The following RIC8B variants were observed in gnomAD, a reference collection of about 807,000 sequenced individuals.
RIC8B encodes the protein chaperone Ric-8B.
RIC8B carries 16 observed loss-of-function variants against 57.5 expected under a neutral mutation model. The ratio of observed to expected loss-of-function variants is 0.28; its 90% CI spans 0.19 to 0.42. The LOEUF (loss-of-function observed/expected upper bound fraction) is 0.42, where lower values mean the gene tolerates loss of function less well. Among genes scored for constraint, RIC8B ranks in the 10% least tolerant of loss-of-function variants. The pLI is 1.00. For synonymous variants in RIC8B, 216 were observed against 250.8 expected (o/e 0.86, Z 1.31); for missense variants, 481 against 677.0 (o/e 0.71, Z 3.21).
chr12:106,852,706 T>A (rs1949524643), intron 7 of RIC8B, among the ~76,000 whole-genome samples: 1 of 152,212 alleles, frequency 6.6e-6, no homozygotes, highest in Non-Finnish European at 1.5e-5. Flanking sequence ...GAGCCCAAAT[T>A]TGGGTCCTGT....
intron 9 of RIC8B, 42 bp from the exon 10 acceptor site, chr12:106,885,862 G>A (rs1951160657): frequency 7.6e-7 from 1 of 1,322,824 alleles, no homozygotes; most frequent in Non-Finnish European, 1.1e-6. Context: ...GTGTGATGCT[G>A]GTGAATACTT....
At chr12:106,788,644 G>A (rs2044139627) in intron 2 of RIC8B, among the ~76,000 whole-genome samples, 1 of 152,210 alleles carries the variant, frequency 6.6e-6, no homozygotes, top group African/African-American at 2.4e-5. Flanking sequence ...TCTAGGGCTT[G>A]TACCCCCTGA....
chr12:106,845,027 C>T (rs1032674301), intron 6 of RIC8B, among the ~76,000 whole-genome samples: 1 of 152,178 alleles, frequency 6.6e-6, no homozygotes, highest in Non-Finnish European at 1.5e-5. Flanking sequence ...TTTTTTCCCA[C>T]TGTTCTTCAC....
At chr12:106,806,423 C>T (rs1040452085) in intron 2 of RIC8B, among the ~76,000 whole-genome samples, 1 of 152,202 alleles carries the variant, frequency 6.6e-6, no homozygotes, top group African/African-American at 2.4e-5. Flanking sequence ...CTCTTTACCT[C>T]CTTTATCAGT....
At chr12:106,881,060 T>C (rs1020584256) in intron 9 of RIC8B, among the ~76,000 whole-genome samples, 1 of 152,226 alleles carries the variant, frequency 6.6e-6, no homozygotes, top group Non-Finnish European at 1.5e-5. Flanking sequence ...CAAACACTTA[T>C]TGAGGATCTG....
intron 3 of RIC8B, among the ~76,000 whole-genome samples, chr12:106,818,221 C>T (rs1289177388): frequency 6.6e-6 from 1 of 151,952 alleles, no homozygotes; most frequent in African/African-American, 2.4e-5. Context: ...GGCTGGAATG[C>T]AGTGGCGCAA....
At position 106,885,366 on chromosome 12, in the gene RIC8B, C is replaced by T. The variant is rs978211402; in HGVS notation, c.1572-538C>T. 5.3e-5 allele frequency among the ~76,000 whole-genome samples: 8 copies of T among 151,780 alleles called. 1 individual carries two copies. The highest frequency in any genetic ancestry group is 4.6e-4 in the Admixed American group (7 of 15,236). On this transcript the variant is annotated intron_variant, in intron 9 of 9. Transcript: ENST00000392837. ...GAGAGAGAGAGAAGGAAAGAAAAGT[C>T]GGGGAGAGAGTTGGGGAAGGCCAAC...
intron 3 of RIC8B, 71 bp downstream of exon 3, chr12:106,815,375 A>T: frequency 6.8e-7 from 1 of 1,474,378 alleles, no homozygotes; most frequent in Non-Finnish European, 9.1e-7. Flanking sequence ...AGTTTCCTGC[A>T]AGAGAAGAAT....
In RIC8B at chr12:106,888,699, C is replaced by G. The variant is rs183608013; in HGVS notation, c.*2684C>G. 2 of 152,754 alleles carry G rather than the reference C, an allele frequency of 1.3e-5. No homozygotes were observed. Among genetic ancestry groups the G allele is most frequent in the East Asian group, 3.9e-4 (2 of 5,188 alleles). 9.5% of individuals were successfully genotyped at this position (152,754 alleles called of 1,614,324 possible). On this transcript the variant is annotated 3_prime_UTR_variant, in exon 10 of 10. Transcript: ENST00000392837. ...AGTGGAAGTATGAGTGGGAAACTTGCATGGTCAGCACTGGATTTCCAATGA... is the reference window on the plus strand; with the variant it reads ...AGTGGAAGTATGAGTGGGAAACTTGGATGGTCAGCACTGGATTTCCAATGA...
chr12:106,774,920 C>A (rs147904759), intron 1 of RIC8B, 91 bp downstream of exon 1: 1 of 951,996 alleles, frequency 1.1e-6, no homozygotes, highest in Non-Finnish European at 1.6e-6. Flanking sequence ...CCCCTCATTC[C>A]GGGGATGCGC....
At chr12:106,774,883 T>C in intron 1 of RIC8B, 54 bp downstream of exon 1, 5 of 1,323,702 alleles carry the variant, frequency 3.8e-6, no homozygotes, top group Non-Finnish European at 5.2e-6. Context: ...CCGCCCTCCG[T>C]GCTTGCACAT....
intron 7 of RIC8B, among the ~76,000 whole-genome samples, chr12:106,857,766 A>C (rs1442787185): frequency 3.3e-5 from 5 of 152,202 alleles, no homozygotes; most frequent in Non-Finnish European, 7.4e-5. Flanking sequence ...GGTGTATTTG[A>C]AAACAGACTT....
intron 4 of RIC8B, among the ~76,000 whole-genome samples, chr12:106,832,692 G>T (rs1158879331): frequency 2.0e-5 from 3 of 152,156 alleles, no homozygotes; most frequent in Non-Finnish European, 4.4e-5. Context: ...TGGATGAAGG[G>T]ATGGATAGAT....
At chr12:106,873,719 G>T (rs983056285) in intron 9 of RIC8B, among the ~76,000 whole-genome samples, 3 of 152,174 alleles carry the variant, frequency 2.0e-5, no homozygotes, top group African/African-American at 7.2e-5. Context: ...AGAATACAAG[G>T]TAGAAGGAAA....
chr12:106,855,364 C>T (rs1378736959), intron 7 of RIC8B, among the ~76,000 whole-genome samples: 1 of 152,126 alleles, frequency 6.6e-6, no homozygotes, highest in East Asian at 1.9e-4. Flanking sequence ...TCTTTGAACT[C>T]GCCCTATGTG....
chr12:106,782,499 G>T (rs2043810854), intron 1 of RIC8B, among the ~76,000 whole-genome samples: 1 of 152,168 alleles, frequency 6.6e-6, no homozygotes, highest in African/African-American at 2.4e-5. Context: ...CGCCCAAAAT[G>T]TTCTACCAGA....
chr12:106,789,115 C>A (rs2044157735), intron 2 of RIC8B, among the ~76,000 whole-genome samples: 1 of 152,208 alleles, frequency 6.6e-6, no homozygotes. Flanking sequence ...CCACAGATCT[C>A]TAGGGCAGGG....
chr12:106,827,843 AT>A (rs1030523113), intron 4 of RIC8B, among the ~76,000 whole-genome samples: 7 of 152,190 alleles, frequency 4.6e-5, no homozygotes, highest in African/African-American at 1.2e-4. Flanking sequence ...GAGTAAATTG[AT>A]TTTTTTTAAG....
At chr12:106,819,779 A>G (rs1200980837) in intron 3 of RIC8B, among the ~76,000 whole-genome samples, 1 of 148,320 alleles carries the variant, frequency 6.7e-6, no homozygotes, top group East Asian at 1.9e-4. Flanking sequence ...TCATAAGTAT[A>G]TAATATATAA....
Sources: gnomAD v4.1 joint callset for allele counts (sites outside exome capture counted in the v4.1 genomes callset) on GRCh38, gnomAD v4.1.1 for gene constraint, MANE v1.5 for transcripts, NCBI Gene and HGNC (gene_info 2026-07-23, HGNC 2026-07-21) for gene names.